ZNF277: variants seen among roughly 807,000 people sequenced by gnomAD.
ZNF277 encodes the protein nuclear receptor-interacting factor 4.
ZNF277 carries 55 observed loss-of-function variants against 60.7 expected under a neutral mutation model. That is an observed-to-expected ratio of 0.91 (90% CI 0.73 to 1.13). ZNF277 has a LOEUF of 1.13. Among genes scored for constraint, ZNF277 ranks in the 50% most tolerant of loss-of-function variants. ZNF277 has a pLI of 0.00. For missense variants in ZNF277, 510 were observed against 523.0 expected (o/e 0.98, Z 0.24); for synonymous variants, 178 against 179.3 (o/e 0.99, Z 0.06).
At chr7:112,294,851 T>C (rs965129365) in intron 2 of ZNF277, among the ~76,000 whole-genome samples, 2 of 152,248 alleles carry the variant, frequency 1.3e-5, no homozygotes, top group South Asian at 4.1e-4. Context: ...TAGAGAACTT[T>C]ACAGGAATCT....
chr7:112,287,531 T>G (rs1251538825), intron 2 of ZNF277: 2 of 135,424 alleles, frequency 1.5e-5, no homozygotes, highest in African/African-American at 7.1e-5. Context: ...TCTGAGACTT[T>G]TTTTTTTTTT....
At chr7:112,229,904 C>T (rs1477620594) in intron 1 of ZNF277, among the ~76,000 whole-genome samples, 1 of 152,190 alleles carries the variant, frequency 6.6e-6, no homozygotes, top group Non-Finnish European at 1.5e-5. Context: ...ATGGGTATGC[C>T]TTCTTGATAG....
In ZNF277 at chr7:112,330,042, A is replaced by G. The variant is rs748760330; in HGVS notation, c.669-42A>G. 1.3e-5 allele frequency: 20 copies of G among 1,585,494 alleles called. No homozygotes were observed. In the South Asian group the frequency reaches 2.1e-4, roughly 17 times the overall value. On this transcript the variant is annotated intron_variant, in intron 6 of 11. Coordinates refer to ENST00000361822, the MANE Select transcript of ZNF277 (RefSeq NM_021994.3). The stretch of plus-strand genomic sequence containing the variant: ...ATAATAAAGGATTATTGCAGCAACT[A>G]TACAAGAGACTTGTTTATCAGTGTT...
chr7:112,218,600 G>A (rs538762238), intron 1 of ZNF277, among the ~76,000 whole-genome samples: 28 of 152,060 alleles, frequency 1.8e-4, no homozygotes, highest in Middle Eastern at 3.4e-3. Flanking sequence ...TGTACCTTTC[G>A]ACCAACATCT....
At chr7:112,227,371 A>C (rs1822202842) in intron 1 of ZNF277, among the ~76,000 whole-genome samples, 2 of 152,236 alleles carry the variant, frequency 1.3e-5, no homozygotes, top group Non-Finnish European at 2.9e-5. Flanking sequence ...CCTCAGAATT[A>C]CAGCAGATTC....
intron 1 of ZNF277, among the ~76,000 whole-genome samples, chr7:112,286,034 T>C (rs1235329368): frequency 6.6e-6 from 1 of 152,170 alleles, no homozygotes; most frequent in African/African-American, 2.4e-5. Context: ...AGGTGACAGG[T>C]GTAGACGTCC....
intron 4 of ZNF277, among the ~76,000 whole-genome samples, chr7:112,297,176 CTCAG>C (rs1385601590): frequency 6.6e-6 from 1 of 151,742 alleles, no homozygotes; most frequent in African/African-American, 2.4e-5. Flanking sequence ...ATCTGCCCAC[CTCAG>C]TCTCCCAAAG....
chr7:112,310,478 A>AGAGAGAGAGAGAGAGAGAGAGTGTGT (rs762824873), intron 4 of ZNF277, among the ~76,000 whole-genome samples: 35 of 125,540 alleles, frequency 2.8e-4, no homozygotes, highest in African/African-American at 4.3e-4. Flanking sequence ...AGAGAGAGAG[A>AGAGAGAGAGAGAGAGAGAGAGTGTGT]GTGTGTGTGT....
intron 1 of ZNF277, among the ~76,000 whole-genome samples, chr7:112,257,263 C>T (rs1218362273): frequency 6.6e-6 from 1 of 152,148 alleles, no homozygotes; most frequent in Non-Finnish European, 1.5e-5. Flanking sequence ...AATATTTACC[C>T]AGCATTTACT....
intron 4 of ZNF277, among the ~76,000 whole-genome samples, chr7:112,315,207 A>G (rs1201252097): frequency 1.3e-5 from 2 of 152,136 alleles, no homozygotes; most frequent in Admixed American, 6.6e-5. Flanking sequence ...ATTGGAAGCT[A>G]CTTTTTCTTA....
At position 112,249,869 on chromosome 7, in the gene ZNF277, C is replaced by T. The variant is rs529648215; in HGVS notation, c.92-37004C>T. On this transcript the variant is annotated intron_variant, in intron 1 of 11. Transcript: ENST00000361822. ...CCTGTCAACTGAGGAGGATGTATATCGCCTCAGGACCCTGTAATAATTTCA... is the reference window on the plus strand; with the variant it reads ...CCTGTCAACTGAGGAGGATGTATATTGCCTCAGGACCCTGTAATAATTTCA... 2.1e-4 allele frequency among the ~76,000 whole-genome samples: 32 copies of T among 152,210 alleles called. 1 individual carries two copies. The South Asian group carries it at 3.7e-3, about 18-fold the overall frequency.
At chr7:112,302,484 A>G (rs1792499205) in intron 4 of ZNF277, among the ~76,000 whole-genome samples, 4 of 152,270 alleles carry the variant, frequency 2.6e-5, no homozygotes, top group Admixed American at 2.6e-4. Context: ...TACTGCATCT[A>G]GAATAAAATT....
intron 5 of ZNF277, among the ~76,000 whole-genome samples, chr7:112,322,207 T>C (rs900141649): frequency 6.6e-6 from 1 of 152,108 alleles, no homozygotes; most frequent in Non-Finnish European, 1.5e-5. Context: ...TTTCATCAAA[T>C]TCGAAAAGTT....
intron 4 of ZNF277, among the ~76,000 whole-genome samples, chr7:112,296,912 A>AT (rs1170078999): frequency 4.3e-4 from 17 of 39,662 alleles, no homozygotes; most frequent in East Asian, 1.5e-3. Flanking sequence ...TTATTTATTT[A>AT]TTTTTTTTTT....
intron 1 of ZNF277, among the ~76,000 whole-genome samples, chr7:112,250,070 A>G (rs1436120536): frequency 6.6e-6 from 1 of 152,186 alleles, no homozygotes; most frequent in African/African-American, 2.4e-5. Context: ...AGCAAATGGG[A>G]GAAATATCGC....
chr7:112,317,131 C>T (rs12333548), intron 4 of ZNF277, among the ~76,000 whole-genome samples: 6,651 of 152,036 alleles, frequency 0.044, 357 homozygotes, highest in African/African-American at 0.13. Flanking sequence ...GAGGGAACAT[C>T]ATACACCAAG....
At chr7:112,216,125 G>T (rs1462163536) in intron 1 of ZNF277, among the ~76,000 whole-genome samples, 1 of 152,070 alleles carries the variant, frequency 6.6e-6, no homozygotes, top group East Asian at 1.9e-4. Flanking sequence ...TTTCAAACCA[G>T]TTTATGAATG....
intron 1 of ZNF277, among the ~76,000 whole-genome samples, chr7:112,220,924 T>TC (rs1822011284): frequency 6.6e-6 from 1 of 152,166 alleles, no homozygotes; most frequent in South Asian, 2.1e-4. Context: ...TTGGGTCCCC[T>TC]CCCTTTGTAT....
At chr7:112,336,779 A>C (rs750486054) in intron 8 of ZNF277, among the ~76,000 whole-genome samples, 1 of 152,196 alleles carries the variant, frequency 6.6e-6, no homozygotes. Flanking sequence ...TTCTTGATGC[A>C]TAGAGATTCA....
Sources: gnomAD v4.1 joint callset for allele counts (sites outside exome capture counted in the v4.1 genomes callset) on GRCh38, gnomAD v4.1.1 for gene constraint, MANE v1.5 for transcripts, NCBI Gene and HGNC (gene_info 2026-07-23, HGNC 2026-07-21) for gene names.